Variants in RRM2 observed in about 807,000 individuals in gnomAD.
The protein encoded by RRM2 is ribonucleotide reductase regulatory subunit M2.
In RRM2, 6 loss-of-function variants were observed where a neutral mutation model predicts 45.9. The ratio of observed to expected loss-of-function variants is 0.13; its 90% CI spans 0.07 to 0.26. The LOEUF (loss-of-function observed/expected upper bound fraction) is 0.26. RRM2 is among the 10% of genes least tolerant of loss of function. The pLI, the probability that RRM2 is intolerant of heterozygous loss-of-function variation, is 1.00. For missense variants in RRM2, 343 were observed against 489.5 expected (o/e 0.70, Z 2.82); for synonymous variants, 177 against 173.0 (o/e 1.02, Z -0.18).
chr2:10,169,173 G>A lies in RRM2; in HGVS notation n.482+26798G>A, dbSNP rs192552573. Among the ~76,000 whole-genome samples, 1,058 of 149,918 alleles carry A rather than the reference G, an allele frequency of 7.1e-3. 9 individuals carry two copies. The highest frequency in any genetic ancestry group is 0.025 in the African/African-American group (1,006 of 40,690). The stretch of plus-strand genomic sequence containing the variant: ...TTTTTTTTTTTTTTTGTAGAGATGG[G>A]GTCTCACAGTGTTGCCCAGGCTAGT... On this transcript the variant is annotated intron_variant and non_coding_transcript_variant, in intron 3 of 3. Coordinates refer to the RRM2 transcript ENST00000381786. The surrounding 1 kb of genome is among the most constrained non-coding windows in gnomAD (Gnocchi z 5.1).
rs1663814777 is a variant in RRM2, at chr2:10,171,961, A to G, written n.482+29586A>G. ...ACCTGTCCAGAGGCTGGGAAAACTT[A>G]GGAGACGGTGCTGCTTGTTTAGAAA... On this transcript the variant is annotated intron_variant and non_coding_transcript_variant, in intron 3 of 3. Coordinates refer to the RRM2 transcript ENST00000381786. The surrounding 1 kb of genome is among the most constrained non-coding windows in gnomAD (Gnocchi z 4.1). 6.6e-6 allele frequency among the ~76,000 whole-genome samples: 1 copy of G among 152,116 alleles called. No individual in the cohort carries two copies. Among genetic ancestry groups the G allele is most frequent in the Non-Finnish European group, 1.5e-5 (1 of 68,010 alleles).
chr2:10,158,800 G>A (rs1663490862), intron 3 of RRM2, among the ~76,000 whole-genome samples: 1 of 151,818 alleles, frequency 6.6e-6, no homozygotes, highest in African/African-American at 2.4e-5. Context: ...CCCCAGCTGG[G>A]GAACAGCTGG....
intron 3 of RRM2, among the ~76,000 whole-genome samples, chr2:10,180,239 G>A (rs888525972): frequency 2.0e-5 from 3 of 152,208 alleles, no homozygotes; most frequent in African/African-American, 7.2e-5. Context: ...CGTCCTGGGG[G>A]AAGCTGGCTT....
At chr2:10,142,384 T>C (rs1663102844) in intron 3 of RRM2, 1 of 1,369,704 alleles carries the variant, frequency 7.3e-7, no homozygotes, top group Non-Finnish European at 9.8e-7. Flanking sequence ...AGGTGAGAAA[T>C]GATGGCAACT....
chr2:10,163,273 C>T (rs1049930402), intron 3 of RRM2, among the ~76,000 whole-genome samples: 1 of 145,502 alleles, frequency 6.9e-6, no homozygotes, highest in Admixed American at 7.4e-5. Flanking sequence ...TGGTGAATGT[C>T]AGCCTGTTCC....
chr2:10,176,199 A>G (rs955899819), intron 3 of RRM2, among the ~76,000 whole-genome samples: 7 of 152,044 alleles, frequency 4.6e-5, no homozygotes, highest in Non-Finnish European at 1.0e-4. Flanking sequence ...ACTCTTCAAG[A>G]CCCTGTTTTC....
chr2:10,153,495 G>T (rs10172702), intron 3 of RRM2, among the ~76,000 whole-genome samples: 2 of 151,840 alleles, frequency 1.3e-5, no homozygotes, highest in Non-Finnish European at 2.9e-5. Flanking sequence ...GCCGGTTTCT[G>T]GGAGGAGAGA....
At chr2:10,191,237 G>A (rs553622509) in intron 3 of RRM2, among the ~76,000 whole-genome samples, 2 of 152,354 alleles carry the variant, frequency 1.3e-5, no homozygotes, top group South Asian at 4.1e-4. Context: ...GCTGTCAGGG[G>A]AGCAGAGAGA....
chr2:10,172,537 T>C lies in RRM2; in HGVS notation n.482+30162T>C, dbSNP rs1246729662. On this transcript the variant is annotated intron_variant and non_coding_transcript_variant, in intron 3 of 3. Coordinates refer to the RRM2 transcript ENST00000381786. This position sits in a 1 kb window ranked among gnomAD's most constrained non-coding sequence, Gnocchi z 4.9. The stretch of plus-strand genomic sequence containing the variant: ...TGGGGCCAATAGATTTTTCCAGTAA[T>C]GAAATTGTGAAAATAATTGAATTAT... 6.6e-6 allele frequency among the ~76,000 whole-genome samples: 1 copy of C among 152,176 alleles called. No individual in the cohort carries two copies.
intron 3 of RRM2, among the ~76,000 whole-genome samples, chr2:10,165,802 C>T (rs17313689): frequency 0.14 from 20,641 of 152,258 alleles, 1,648 homozygotes; most frequent in South Asian, 0.35. Flanking sequence ...CTGCATTTGA[C>T]TCACTGGAAT....
downstream of RRM2, among the ~76,000 whole-genome samples, chr2:10,135,896 G>A (rs1662981847): frequency 6.6e-6 from 1 of 152,062 alleles, no homozygotes; most frequent in African/African-American, 2.4e-5. Context: ...GATGAGTCCT[G>A]GGCTCAGGCT....
In RRM2 at chr2:10,169,611, G is replaced by T. The variant is rs1663754561; in HGVS notation, n.482+27236G>T. ...CAGCAGAGGGAGGGCATTTGAAGAC[G>T]GCGGCTGCTCCTTGGAAGCTGGCAG... On this transcript the variant is annotated intron_variant and non_coding_transcript_variant, in intron 3 of 3. Coordinates refer to the RRM2 transcript ENST00000381786. The surrounding 1 kb of genome is among the most constrained non-coding windows in gnomAD (Gnocchi z 5.1). Among the ~76,000 whole-genome samples the T allele has an allele frequency of 6.6e-6, 1 of 152,268 alleles. No individual in the cohort carries two copies. The highest frequency in any genetic ancestry group is 2.4e-5 in the African/African-American group (1 of 41,562).
At chr2:10,177,684 T>TTCCA (rs1663947336) in intron 3 of RRM2, among the ~76,000 whole-genome samples, 3 of 150,472 alleles carry the variant, frequency 2.0e-5, no homozygotes, top group African/African-American at 7.4e-5. Flanking sequence ...CCTTCCTTCC[T>TTCCA]TCCTTCCTTC....
intron 3 of RRM2, among the ~76,000 whole-genome samples, chr2:10,150,980 A>AT (rs562247266): frequency 1.8e-3 from 274 of 150,716 alleles, no homozygotes; most frequent in Admixed American, 2.9e-3. Flanking sequence ...CGCCCGACTA[A>AT]TTTTTTGTAT....
chr2:10,157,400 A>T (rs1456511162), intron 3 of RRM2, among the ~76,000 whole-genome samples: 1 of 152,220 alleles, frequency 6.6e-6, no homozygotes, highest in Non-Finnish European at 1.5e-5. Flanking sequence ...GCACAGCTCG[A>T]TGCCTTTTCT....
intron 3 of RRM2, among the ~76,000 whole-genome samples, chr2:10,201,072 C>T (rs564124503): frequency 4.6e-5 from 7 of 151,326 alleles, no homozygotes; most frequent in Non-Finnish European, 1.0e-4. Context: ...TTGCTTGAAC[C>T]TGGGAGGTGG....
chr2:10,143,803 G>T (rs1214858558), intron 3 of RRM2, among the ~76,000 whole-genome samples: 1 of 152,180 alleles, frequency 6.6e-6, no homozygotes, highest in African/African-American at 2.4e-5. Flanking sequence ...GAGTAGCTGG[G>T]ACTACAGGTG....
At chr2:10,146,359 G>A (rs1572500497) in intron 3 of RRM2, among the ~76,000 whole-genome samples, 1 of 152,346 alleles carries the variant, frequency 6.6e-6, no homozygotes, top group Non-Finnish European at 1.5e-5. Flanking sequence ...CAATCAGAGT[G>A]TATGGAGAAG....
chr2:10,184,814 G>A (rs186907637), intron 3 of RRM2, among the ~76,000 whole-genome samples: 1 of 152,366 alleles, frequency 6.6e-6, no homozygotes, highest in East Asian at 1.9e-4. Context: ...TCCACTTCTT[G>A]TGCAGATGGG....
Sources: allele counts gnomAD v4.1 joint callset (sites outside exome capture counted in the v4.1 genomes callset), GRCh38; gene constraint gnomAD v4.1.1; non-coding constraint Gnocchi (gnomAD v3.1); transcripts MANE v1.5; gene names NCBI Gene and HGNC (gene_info 2026-07-23, HGNC 2026-07-21).